The following NCAM2 variants were observed in gnomAD, a reference collection of about 807,000 sequenced individuals.
The protein encoded by NCAM2 is neural cell adhesion molecule 2.
NCAM2 carries 30 observed loss-of-function variants against 98.1 expected under a neutral mutation model. That is an observed-to-expected ratio of 0.31 (90% CI 0.23 to 0.41). The LOEUF is 0.41. Among genes scored for constraint, NCAM2 ranks in the 10% least tolerant of loss-of-function variants. The pLI is 1.00. For missense variants in NCAM2, 867 were observed against 1,005.8 expected, an observed-to-expected ratio of 0.86 and a Z score of 1.87; for synonymous variants, 368 against 342.4, an observed-to-expected ratio of 1.07 and a Z score of -0.83.
intron 16 of NCAM2, among the ~76,000 whole-genome samples, chr21:21,516,437 A>G (rs374388299): frequency 3.3e-5 from 5 of 152,264 alleles, no homozygotes; most frequent in Non-Finnish European, 5.9e-5. Flanking sequence ...ATGAAACGCC[A>G]TATGCCAACT....
intron 5 of NCAM2, among the ~76,000 whole-genome samples, chr21:21,296,090 C>T (rs181738051): frequency 1.3e-5 from 2 of 151,856 alleles, no homozygotes; most frequent in Admixed American, 6.6e-5. Context: ...ATATGTTTTA[C>T]ACTATATTGT....
At chr21:21,053,060 GA>G (rs914465923) in intron 1 of NCAM2, among the ~76,000 whole-genome samples, 11 of 148,564 alleles carry the variant, frequency 7.4e-5, no homozygotes, top group South Asian at 2.1e-4. Flanking sequence ...TTGAATAGTT[GA>G]AAAAAAAAGC....
At chr21:21,535,900 C>T (rs143234953) in intron 17 of NCAM2, among the ~76,000 whole-genome samples, 1 of 152,000 alleles carries the variant, frequency 6.6e-6, no homozygotes, top group Admixed American at 6.6e-5. Flanking sequence ...AAATTCTATA[C>T]CCAGAAACAA....
At chr21:21,327,933 T>C (rs2074563093) in intron 6 of NCAM2, among the ~76,000 whole-genome samples, 1 of 152,194 alleles carries the variant, frequency 6.6e-6, no homozygotes, top group Admixed American at 6.5e-5. Flanking sequence ...AAGCAGTGAC[T>C]CTAAAGGTTC....
intron 16 of NCAM2, among the ~76,000 whole-genome samples, chr21:21,527,853 C>T (rs1416878183): frequency 2.0e-5 from 3 of 152,160 alleles, no homozygotes; most frequent in Non-Finnish European, 4.4e-5. Context: ...TTAGTATTTA[C>T]CCAAAGAAGT....
chr21:21,058,668 GA>G (rs1442947405), intron 1 of NCAM2, among the ~76,000 whole-genome samples: 4 of 50,420 alleles, frequency 7.9e-5, no homozygotes, highest in African/African-American at 1.9e-4. Flanking sequence ...ATTCACACAG[GA>G]TTTTTTTTTT....
At chr21:21,418,424 C>T in intron 10 of NCAM2, 49 bp from the exon 11 acceptor site, 4 of 1,400,892 alleles carry the variant, frequency 2.9e-6, no homozygotes, top group Non-Finnish European at 4.0e-6. Context: ...TATTATAAAA[C>T]TTCTGTGATG....
chr21:21,057,752 C>T (rs903025469), intron 1 of NCAM2, among the ~76,000 whole-genome samples: 3 of 152,072 alleles, frequency 2.0e-5, no homozygotes, highest in Non-Finnish European at 2.9e-5. Context: ...AATGAAATTA[C>T]GCTATTGACT....
intron 1 of NCAM2, among the ~76,000 whole-genome samples, chr21:21,124,754 C>A (rs2066751077): frequency 6.6e-6 from 1 of 152,130 alleles, no homozygotes; most frequent in Non-Finnish European, 1.5e-5. Flanking sequence ...CTAGTGCTAT[C>A]ACCATCCTAA....
chr21:21,426,057 G>A (rs2077207759), intron 11 of NCAM2, among the ~76,000 whole-genome samples: 1 of 151,932 alleles, frequency 6.6e-6, no homozygotes, highest in Non-Finnish European at 1.5e-5. Context: ...TGGTGAAAGG[G>A]GCAAACATAC....
At chr21:21,102,548 T>G (rs1317651736) in intron 1 of NCAM2, among the ~76,000 whole-genome samples, 1 of 152,024 alleles carries the variant, frequency 6.6e-6, no homozygotes, top group Non-Finnish European at 1.5e-5. Context: ...CCAAAACAAT[T>G]GCAGTCAAAA....
chr21:21,281,648 A>T (rs2072933836), intron 2 of NCAM2, among the ~76,000 whole-genome samples: 1 of 152,032 alleles, frequency 6.6e-6, no homozygotes, highest in African/African-American at 2.4e-5. Flanking sequence ...CATTTTTACA[A>T]ATACAAGTCT....
intron 12 of NCAM2, among the ~76,000 whole-genome samples, chr21:21,436,964 G>A (rs945099667): frequency 1.3e-5 from 2 of 151,242 alleles, no homozygotes; most frequent in Non-Finnish European, 2.9e-5. Flanking sequence ...TAGTAAAAAT[G>A]TGGTTTTGCC....
intron 9 of NCAM2, among the ~76,000 whole-genome samples, chr21:21,381,984 T>C (rs949601229): frequency 6.6e-6 from 1 of 152,156 alleles, no homozygotes; most frequent in Non-Finnish European, 1.5e-5. Context: ...TCTTGAGAAT[T>C]CTACATTGAC....
intron 15 of NCAM2, among the ~76,000 whole-genome samples, chr21:21,481,728 C>G (rs1316096538): frequency 6.6e-6 from 1 of 152,114 alleles, no homozygotes; most frequent in African/African-American, 2.4e-5. Flanking sequence ...GTATTCACCC[C>G]TCTAAACCAT....
chr21:21,129,427 T>C (rs1039985990), intron 1 of NCAM2, among the ~76,000 whole-genome samples: 1 of 152,206 alleles, frequency 6.6e-6, no homozygotes, highest in Non-Finnish European at 1.5e-5. Context: ...TTTAAGTTGC[T>C]TGCAAATTCT....
At chr21:21,168,444 T>A (rs2068019617) in intron 1 of NCAM2, among the ~76,000 whole-genome samples, 1 of 151,958 alleles carries the variant, frequency 6.6e-6, no homozygotes, top group South Asian at 2.1e-4. Flanking sequence ...GTCCTTGCTA[T>A]GCAATAAAAA....
At chr21:21,213,153 C>A (rs2069730342) in intron 1 of NCAM2, among the ~76,000 whole-genome samples, 1 of 152,050 alleles carries the variant, frequency 6.6e-6, no homozygotes, top group African/African-American at 2.4e-5. Context: ...TATGACTCAT[C>A]TTCTTTTTTA....
chr21:21,180,817 G>A (rs1249164124), intron 1 of NCAM2, among the ~76,000 whole-genome samples: 1 of 152,146 alleles, frequency 6.6e-6, no homozygotes, highest in Admixed American at 6.6e-5. Flanking sequence ...GTAGAGAAAT[G>A]AAAACACTGT....
Sources: allele counts gnomAD v4.1 joint callset (sites outside exome capture counted in the v4.1 genomes callset), GRCh38; gene constraint gnomAD v4.1.1; transcripts MANE v1.5; gene names NCBI Gene and HGNC (gene_info 2026-07-23, HGNC 2026-07-21).